The following GNB1 variants were observed in gnomAD, a reference collection of about 807,000 sequenced individuals.
The protein encoded by GNB1 is guanine nucleotide-binding protein G(I)/G(S)/G(T) subunit beta-1.
A neutral mutation model predicts 42.9 loss-of-function variants in GNB1; 2 were observed. That is an observed-to-expected ratio of 0.05 (90% confidence interval 0.02 to 0.15). GNB1 has a LOEUF of 0.15. Among genes scored for constraint, GNB1 ranks in the 10% least tolerant of loss-of-function variants. GNB1 has a pLI of 1.00. For synonymous variants in GNB1, 183 were observed against 174.7 expected (o/e 1.05, Z -0.38); for missense variants, 193 against 462.2 (o/e 0.42, Z 5.34).
At chr1:1,877,611 T>C (rs1649622103) in intron 1 of GNB1, among the ~76,000 whole-genome samples, 1 of 152,130 alleles carries the variant, frequency 6.6e-6, no homozygotes, top group Non-Finnish European at 1.5e-5. Flanking sequence ...GTGCTAAGAT[T>C]ACAGGCATGA....
At chr1:1,866,665 C>T (rs1570737405) in intron 1 of GNB1, among the ~76,000 whole-genome samples, 1 of 149,408 alleles carries the variant, frequency 6.7e-6, no homozygotes, top group African/African-American at 2.4e-5. Flanking sequence ...AAAAAAAAAT[C>T]TCAATGTGGC....
At chr1:1,882,277 C>T (rs1197268170) in intron 1 of GNB1, among the ~76,000 whole-genome samples, 6 of 151,808 alleles carry the variant, frequency 4.0e-5, no homozygotes, top group African/African-American at 1.5e-4. Flanking sequence ...ATACAAAAAA[C>T]ATTAGCTAGG....
chr1:1,805,862 G>C (rs1185975490), intron 6 of GNB1, among the ~76,000 whole-genome samples: 1 of 151,984 alleles, frequency 6.6e-6, no homozygotes, highest in Non-Finnish European at 1.5e-5. Context: ...GATTTTTATG[G>C]AATAACCAAA....
Position 1,884,840 on chromosome 1 carries a change from G to T in GNB1, c.-96+5980C>A, listed in dbSNP as rs537783451. Among the ~76,000 whole-genome samples the T allele has an allele frequency of 4.0e-3, 604 of 151,776 alleles. 5 individuals are homozygous for T. Among genetic ancestry groups the T allele is most frequent in the South Asian group, 0.011 (51 of 4,796 alleles). On this transcript the variant is annotated intron_variant, in intron 1 of 11. Coordinates refer to ENST00000378609, the MANE Select transcript of GNB1 (RefSeq NM_002074.5). The stretch of plus-strand genomic sequence containing the variant: ...TGGGACTACAGGTGCCTGCCACCAC[G>T]CCCGGCTAATTTTTTTGTATTTTTA...
chr1:1,883,038 C>A (rs969717099), intron 1 of GNB1, among the ~76,000 whole-genome samples: 13 of 151,870 alleles, frequency 8.6e-5, no homozygotes, highest in Admixed American at 8.5e-4. Flanking sequence ...CATCTATAAT[C>A]CCAACATTTT....
rs1646416681 is a variant in GNB1, at chr1:1,787,090, G to A, written c.*10-37C>T. ...AGAGTTTAAAGAAATGTGAAAAGAG[G>A]CAGAGAATCTAAGTGCAGACGCACA... On this transcript the variant is annotated intron_variant, in intron 11 of 11. Transcript: ENST00000378609. The surrounding 1 kb of genome is among the most constrained non-coding windows in gnomAD (Gnocchi z 4.4). The A allele has an allele frequency of 2.5e-6, 1 of 392,260 alleles. No individual in the cohort carries two copies. The highest frequency in any genetic ancestry group is 5.1e-5 in the East Asian group (1 of 19,568). 24.3% of individuals were successfully genotyped at this position (392,260 alleles called of 1,614,324 possible). A position where few individuals can be genotyped will look rare whatever the true frequency, so the allele number is the denominator to read the frequency against.
At chr1:1,841,216 T>A (rs1174589414) in intron 1 of GNB1, among the ~76,000 whole-genome samples, 1 of 151,424 alleles carries the variant, frequency 6.6e-6, no homozygotes, top group East Asian at 1.9e-4. Context: ...TGAGACAGAT[T>A]CTCACTCTGT....
In GNB1 at chr1:1,800,317, A is replaced by G. The variant is rs10159187; in HGVS notation, c.430+4102T>C. ...CTATTATACAAGGACAGGGAATCTC[A>G]GCAGGAAAATAAAAAATTTCTAAAT... On this transcript the variant is annotated intron_variant, in intron 7 of 11. Transcript: ENST00000378609. Among the ~76,000 whole-genome samples, 781 of 152,334 alleles carry G rather than the reference A, an allele frequency of 5.1e-3. 6 individuals are homozygous for G. The highest frequency in any genetic ancestry group is 0.017 in the African/African-American group (721 of 41,578).
intron 2 of GNB1, among the ~76,000 whole-genome samples, chr1:1,838,529 C>A (rs1426294539): frequency 6.6e-6 from 1 of 151,402 alleles, no homozygotes; most frequent in Non-Finnish European, 1.5e-5. Context: ...ACTGCAAGCT[C>A]CGCCTCCTGG....
At chr1:1,851,093 C>A (rs1345190448) in intron 1 of GNB1, among the ~76,000 whole-genome samples, 1 of 151,998 alleles carries the variant, frequency 6.6e-6, no homozygotes, top group Non-Finnish European at 1.5e-5. Flanking sequence ...GATGGTGAAA[C>A]CCCGTCTCTA....
chr1:1,864,177 G>A (rs1232209272), intron 1 of GNB1, among the ~76,000 whole-genome samples: 2 of 151,772 alleles, frequency 1.3e-5, no homozygotes, highest in Non-Finnish European at 2.9e-5. Flanking sequence ...AAAAAAATTA[G>A]CCAGGCGTGG....
chr1:1,816,419 T>C (rs917141447), intron 4 of GNB1, among the ~76,000 whole-genome samples: 1 of 152,160 alleles, frequency 6.6e-6, no homozygotes, highest in Admixed American at 6.5e-5. Context: ...TGGATTACAA[T>C]AGTGGGTTTT....
intron 3 of GNB1, chr1:1,818,149 C>T (rs1347090744): frequency 9.9e-6 from 3 of 304,344 alleles, no homozygotes; most frequent in East Asian, 6.4e-5. Context: ...TGGCCAGCAC[C>T]GAGGAGACCA....
chr1:1,835,279 T>C (rs1647130340), intron 2 of GNB1, among the ~76,000 whole-genome samples: 1 of 152,170 alleles, frequency 6.6e-6, no homozygotes, highest in African/African-American at 2.4e-5. Flanking sequence ...AGCCCCAGGT[T>C]CTAACCCAGA....
At chr1:1,812,346 A>G (rs1450921794) in intron 5 of GNB1, among the ~76,000 whole-genome samples, 1 of 151,802 alleles carries the variant, frequency 6.6e-6, no homozygotes, top group Non-Finnish European at 1.5e-5. Context: ...TAAAGAAAAA[A>G]AAAAAAGCTT....
intron 1 of GNB1, among the ~76,000 whole-genome samples, chr1:1,841,170 G>A (rs913096431): frequency 2.0e-5 from 3 of 151,812 alleles, no homozygotes; most frequent in African/African-American, 7.3e-5. Context: ...GATTACAGGC[G>A]TGAGCCACTG....
intron 4 of GNB1, chr1:1,817,630 CA>C (rs1313325300): frequency 2.2e-6 from 1 of 456,884 alleles, no homozygotes; most frequent in African/African-American, 1.9e-5. Context: ...GATGATTATT[CA>C]AGGCTTGAGA....
At chr1:1,861,304 AAATT>A (rs1256708097) in intron 1 of GNB1, among the ~76,000 whole-genome samples, 1 of 151,796 alleles carries the variant, frequency 6.6e-6, no homozygotes, top group Non-Finnish European at 1.5e-5. Flanking sequence ...ACACACAAAA[AAATT>A]TTTTAAAAAT....
chr1:1,869,104 T>C (rs1320115699), intron 1 of GNB1, among the ~76,000 whole-genome samples: 1 of 134,106 alleles, frequency 7.5e-6, no homozygotes, highest in African/African-American at 2.9e-5. Flanking sequence ...GAGAATGGCA[T>C]GAACCCAGGA....
Sources: allele counts gnomAD v4.1 joint callset (sites outside exome capture counted in the v4.1 genomes callset), GRCh38; gene constraint gnomAD v4.1.1; non-coding constraint Gnocchi (gnomAD v3.1); transcripts MANE v1.5; gene names NCBI Gene and HGNC (gene_info 2026-07-23, HGNC 2026-07-21).